UEVLD: variants seen among roughly 807,000 people sequenced by gnomAD.
UEVLD encodes the protein UEV and lactate/malate dehyrogenase domains, also known as ubiquitin-conjugating enzyme E2 variant 3.
A neutral mutation model predicts 58.6 loss-of-function variants in UEVLD; 47 were observed. The observed-to-expected ratio is 0.80, with a 90% CI of 0.63 to 1.02. The LOEUF is 1.02. Ranked by LOEUF, UEVLD falls within the 50% of genes least tolerant of loss-of-function variation. The pLI, the probability that UEVLD is intolerant of heterozygous loss-of-function variation, is 0.00. For missense variants in UEVLD, 510 were observed against 550.6 expected (o/e 0.93, Z 0.74); for synonymous variants, 197 against 195.3 (o/e 1.01, Z -0.07).
intron 1 of UEVLD, among the ~76,000 whole-genome samples, chr11:18,582,179 T>A (rs920186048): frequency 2.6e-4 from 40 of 152,182 alleles, no homozygotes; most frequent in African/African-American, 8.4e-4. Context: ...TTGGAGAACA[T>A]GATTATTAAT....
chr11:18,585,716 C>T (rs1258272689), intron 1 of UEVLD, among the ~76,000 whole-genome samples: 4 of 151,766 alleles, frequency 2.6e-5, no homozygotes, highest in African/African-American at 9.7e-5. Context: ...CAGCTCACTG[C>T]AACCTCTGTC....
intron 4 of UEVLD, chr11:18,570,010 G>T (rs1852511000): frequency 7.1e-6 from 3 of 425,186 alleles, no homozygotes; most frequent in Non-Finnish European, 1.2e-5. Flanking sequence ...AACCTGGAGG[G>T]AGCAGCTTTG....
chr11:18,569,339 G>A (rs1426341853), intron 4 of UEVLD, among the ~76,000 whole-genome samples: 1 of 152,058 alleles, frequency 6.6e-6, no homozygotes, highest in Non-Finnish European at 1.5e-5. Flanking sequence ...TAGAGAAAAG[G>A]TACTGTAAAA....
chr11:18,564,859 A>T, intron 6 of UEVLD, 33 bp downstream of exon 6: 1 of 1,493,968 alleles, frequency 6.7e-7, no homozygotes, highest in Non-Finnish European at 9.3e-7. Context: ...TGGCACTATG[A>T]TAGATGTATT....
At chr11:18,545,436 T>TTTTGTTTG (rs1053578319) in intron 8 of UEVLD, among the ~76,000 whole-genome samples, 1 of 150,366 alleles carries the variant, frequency 6.7e-6, no homozygotes, top group African/African-American at 2.4e-5. Flanking sequence ...TTTTACTGTG[T>TTTTGTTTG]TTTGTTTGTT....
intron 8 of UEVLD, among the ~76,000 whole-genome samples, chr11:18,545,411 T>C (rs540323647): frequency 2.7e-5 from 4 of 149,946 alleles, no homozygotes; most frequent in African/African-American, 7.4e-5. Context: ...ACTAACAAGG[T>C]TTCAACAAGA....
chr11:18,544,685 A>G lies in UEVLD; in HGVS notation c.998T>C (p.Val333Ala). The G allele has an allele frequency of 6.3e-7, 1 of 1,590,832 alleles. No homozygotes were observed. Among genetic ancestry groups the G allele is most frequent in the Non-Finnish European group, 8.5e-7 (1 of 1,172,562 alleles). Residue 333 changes from valine to alanine, a missense_variant, in exon 9 of 12, where the codon GTT becomes GCT. Val to Ala is a moderately conservative substitution (Grantham distance 64, BLOSUM62 0). Transcript: ENST00000396197. ...SQRLQYIITN[V>A]LKAQTSGKEV... ...TTTGCCTGAAGTCTGTGCCTTCAAA[A>G]CATTTGTAATAATATACTGTAATCT...
intron 9 of UEVLD, among the ~76,000 whole-genome samples, chr11:18,540,328 T>C (rs1157803193): frequency 6.6e-6 from 1 of 152,212 alleles, no homozygotes; most frequent in African/African-American, 2.4e-5. Context: ...ACATAGTAGG[T>C]ACAATAAAAA....
Position 18,534,462 on chromosome 11 carries a change from CA to C in UEVLD, c.1125-10del. On this transcript the variant is annotated splice_polypyrimidine_tract_variant and intron_variant, in intron 10 of 11. Transcript: ENST00000396197. ...TTAGCAGTTCCATGGCTCTAGGTTACAAAAATACGTGATCTCAGAAAATGCA... is the reference window on the plus strand; with the variant it reads ...TTAGCAGTTCCATGGCTCTAGGTTACAAAATACGTGATCTCAGAAAATGCA... 6.4e-7 allele frequency: 1 copy of C among 1,557,912 alleles called. No individual in the cohort carries two copies.
chr11:18,573,680 T>C lies in UEVLD; in HGVS notation c.193+1667A>G, dbSNP rs182671014. ...CTACACATTTCCTGAGTGCCTACTA[T>C]TGCAAAAGGAGGTATCATGGTGGGA... On this transcript the variant is annotated intron_variant, in intron 3 of 11. Coordinates refer to ENST00000396197, the MANE Select transcript of UEVLD (RefSeq NM_001040697.4). Among the ~76,000 whole-genome samples the C allele has an allele frequency of 2.6e-5, 4 of 152,296 alleles. No individual in the cohort carries two copies. The East Asian group carries it at 7.7e-4, about 29-fold the overall frequency.
At chr11:18,536,140 G>A (rs1850786034) in intron 10 of UEVLD, among the ~76,000 whole-genome samples, 1 of 152,146 alleles carries the variant, frequency 6.6e-6, no homozygotes, top group Admixed American at 6.5e-5. Context: ...TGTTTAGGTA[G>A]AGAAGCAGTA....
intron 3 of UEVLD, among the ~76,000 whole-genome samples, chr11:18,575,043 A>T (rs1852828220): frequency 6.6e-6 from 1 of 152,158 alleles, no homozygotes; most frequent in Non-Finnish European, 1.5e-5. Flanking sequence ...GTCCCCCCAA[A>T]ATACAGCTTC....
intron 7 of UEVLD, among the ~76,000 whole-genome samples, chr11:18,550,131 T>C (rs1242253262): frequency 6.6e-6 from 1 of 151,918 alleles, no homozygotes; most frequent in African/African-American, 2.4e-5. Context: ...CTCCTTTGAG[T>C]TTAAAAGCCA....
intron 7 of UEVLD, among the ~76,000 whole-genome samples, chr11:18,552,830 C>T (rs901192181): frequency 6.6e-6 from 1 of 151,552 alleles, no homozygotes; most frequent in Non-Finnish European, 1.5e-5. Context: ...CACCGCACTC[C>T]AGCCTGAATG....
chr11:18,536,403 T>C lies in UEVLD; in HGVS notation c.1124+3A>G. The stretch of plus-strand genomic sequence containing the variant: ...ATAAATGCAAATTTCCAGTCAGTGT[T>C]ACCTGTTGGACAGCTGCACTTGAGA... On this transcript the variant is annotated splice_donor_region_variant and intron_variant, in intron 10 of 11. Transcript: ENST00000396197. 6.2e-7 allele frequency: 1 copy of C among 1,613,616 alleles called. No homozygotes were observed. The highest frequency in any genetic ancestry group is 8.5e-7 in the Non-Finnish European group (1 of 1,179,644).
At position 18,531,252 on chromosome 11, in the gene UEVLD, T is replaced by C. The variant is rs1850548184; in HGVS notation, c.*1068A>G. 6.6e-6 allele frequency: 1 copy of C among 152,208 alleles called. No homozygotes were observed. Among genetic ancestry groups the C allele is most frequent in the African/African-American group, 2.4e-5 (1 of 41,438 alleles). 9.4% of individuals were successfully genotyped at this position (152,208 alleles called of 1,614,324 possible). The stretch of plus-strand genomic sequence containing the variant: ...TCCTTTTATAAAATGATGATGGCAA[T>C]AGTCCCTACCTCAGTGGTCTGTTGT... On this transcript the variant is annotated 3_prime_UTR_variant, in exon 12 of 12. Coordinates refer to ENST00000396197, the MANE Select transcript of UEVLD (RefSeq NM_001040697.4).
intron 4 of UEVLD, 179 bp downstream of exon 4, chr11:18,570,035 A>C: frequency 1.7e-6 from 1 of 585,120 alleles, no homozygotes; most frequent in Non-Finnish European, 2.7e-6. Flanking sequence ...GGCAGTTGTC[A>C]TCAGGGTTCT....
In UEVLD at chr11:18,534,430, T is replaced by C. The variant is rs1565104360; in HGVS notation, c.1148A>G (p.Lys383Arg). Residue 383 changes from lysine to arginine, a missense_variant, in exon 11 of 12, where the codon AAA (lysine) becomes AGA (arginine). Lys to Arg is a conservative substitution (Grantham distance 26, BLOSUM62 2). Coordinates refer to ENST00000396197, the MANE Select transcript of UEVLD (RefSeq NM_001040697.4). ...TCCAACAGACCAGGATCTTTGACCTTTTACTCTTAGCAGTTCCATGGCTCT... is the reference window on the plus strand; with the variant it reads ...TCCAACAGACCAGGATCTTTGACCTCTTACTCTTAGCAGTTCCATGGCTCT... ...SNRAMELLRV[K>R]GQRSWSVGLS... 6.3e-7 allele frequency: 1 copy of C among 1,575,476 alleles called. No homozygotes were observed.
At chr11:18,556,576 A>C (rs1321956655) in intron 7 of UEVLD, among the ~76,000 whole-genome samples, 1 of 152,206 alleles carries the variant, frequency 6.6e-6, no homozygotes, top group Non-Finnish European at 1.5e-5. Context: ...AAGGAAAGCC[A>C]AACAACTATA....
Sources: allele counts gnomAD v4.1 joint callset (sites outside exome capture counted in the v4.1 genomes callset), GRCh38; gene constraint gnomAD v4.1.1; transcripts MANE v1.5; gene names NCBI Gene and HGNC (gene_info 2026-07-23, HGNC 2026-07-21).